The following RSBN1L variants were observed in gnomAD, a reference collection of about 807,000 sequenced individuals.
RSBN1L encodes lysine-specific demethylase RSBN1L.
Under a neutral mutation model 67.7 loss-of-function variants are expected in RSBN1L, and 30 were observed. The observed-to-expected ratio is 0.44, with a 90% CI of 0.33 to 0.60. The LOEUF is 0.60. RSBN1L is among the 20% of genes least tolerant of loss of function. The probability of loss-of-function intolerance (pLI) is 0.02; values close to 1 mark genes in which losing one functional copy is unlikely to be tolerated. For missense variants in RSBN1L, 992 were observed against 1,031.7 expected, an observed-to-expected ratio of 0.96 and a Z score of 0.53; for synonymous variants, 433 against 387.0, an observed-to-expected ratio of 1.12 and a Z score of -1.39.
intron 1 of RSBN1L, among the ~76,000 whole-genome samples, chr7:77,720,953 C>T (rs1460148186): frequency 4.0e-5 from 6 of 151,744 alleles, no homozygotes; most frequent in African/African-American, 1.2e-4. Flanking sequence ...GATGGGGTTT[C>T]ACCATTTTGG....
chr7:77,717,162 A>G (rs10240675), intron 1 of RSBN1L, among the ~76,000 whole-genome samples: 1 of 150,900 alleles, frequency 6.6e-6, no homozygotes, highest in African/African-American at 2.4e-5. Flanking sequence ...TAGTCTTGCC[A>G]TGTTGCCTGG....
chr7:77,700,990 C>T (rs9641272), intron 1 of RSBN1L, among the ~76,000 whole-genome samples: 1 of 152,036 alleles, frequency 6.6e-6, no homozygotes, highest in African/African-American at 2.4e-5. Flanking sequence ...AACCCCATCT[C>T]TACTAAAAAT....
intron 1 of RSBN1L, among the ~76,000 whole-genome samples, chr7:77,729,375 A>G (rs942972625): frequency 6.6e-6 from 1 of 152,226 alleles, no homozygotes; most frequent in Non-Finnish European, 1.5e-5. Context: ...GGGAGCCCTC[A>G]TGACTTTAAT....
At chr7:77,723,662 G>A (rs1347492594) in intron 1 of RSBN1L, among the ~76,000 whole-genome samples, 3 of 152,010 alleles carry the variant, frequency 2.0e-5, no homozygotes, top group African/African-American at 7.2e-5. Context: ...TTGGCTGGGC[G>A]TGGTGGCTCA....
chr7:77,749,792 G>C lies in RSBN1L; in HGVS notation c.1072G>C (p.Gly358Arg). Reference protein sequence around the residue: ...LIHIEHQPNGGASVIHAYSNE... With the variant: ...LIHIEHQPNGRASVIHAYSNE... ...TCATATAGAGCACCAGCCTAATGGA[G>C]GTGCATCGGTTATCCATGCCTACAG... Residue 358 changes from glycine to arginine, a missense_variant, in exon 3 of 8, where the codon GGT becomes CGT. This residue lies in a region of RSBN1L where 575 missense variants were observed against 483.2 expected (regional missense o/e 1.19). Transcript: ENST00000334955. The C allele has an allele frequency of 6.2e-7, 1 of 1,614,196 alleles. No homozygotes were observed. The highest frequency in any genetic ancestry group is 8.5e-7 in the Non-Finnish European group (1 of 1,180,032).
rs192459273 is a variant in RSBN1L, at chr7:77,761,686, A to G, written c.1345-3809A>G. ...AGTATATACTTTTTAAATTGGAAAC[A>G]TTGTTGTGTGTAACTTGCCATGTTT... On this transcript the variant is annotated intron_variant, in intron 3 of 7. Coordinates refer to ENST00000334955, the MANE Select transcript of RSBN1L (RefSeq NM_198467.3). Among the ~76,000 whole-genome samples, 101 of 152,216 alleles carry G rather than the reference A, an allele frequency of 6.6e-4. 1 individual carries two copies. The highest frequency in any genetic ancestry group is 2.4e-4 in the Non-Finnish European group (16 of 68,022).
Position 77,765,460 on chromosome 7 carries a change from G to C in RSBN1L, c.1345-35G>C, listed in dbSNP as rs184779715. 5.4e-6 allele frequency: 8 copies of C among 1,470,574 alleles called. No individual in the cohort carries two copies. The Admixed American group carries it at 1.7e-4, about 31-fold the overall frequency. 91.1% of individuals were successfully genotyped at this position (1,470,574 alleles called of 1,614,324 possible). A position where few individuals can be genotyped will look rare whatever the true frequency, so the allele number is the denominator to read the frequency against. ...TCCATATTCTTCAGGTAAAAAGAAC[G>C]TATTTAACTTTTAATTAAATCCATG... is the stretch of plus-strand genomic sequence containing the variant. On this transcript the variant is annotated intron_variant, in intron 3 of 7. Transcript: ENST00000334955.
At chr7:77,739,818 C>G (rs1457921000) in intron 2 of RSBN1L, among the ~76,000 whole-genome samples, 1 of 113,284 alleles carries the variant, frequency 8.8e-6, no homozygotes, top group Non-Finnish European at 1.7e-5. Flanking sequence ...GGCGCGATCT[C>G]GGCTCACTGC....
chr7:77,742,797 G>A (rs545408585), intron 2 of RSBN1L, among the ~76,000 whole-genome samples: 3 of 152,270 alleles, frequency 2.0e-5, no homozygotes, highest in South Asian at 2.1e-4. Context: ...CCGATTGCAC[G>A]ATTGCACTGC....
chr7:77,743,873 C>A (rs1791446356), intron 2 of RSBN1L, among the ~76,000 whole-genome samples: 2 of 151,660 alleles, frequency 1.3e-5, no homozygotes, highest in Admixed American at 6.6e-5. Context: ...TTTGGTTAGT[C>A]CCCTGTTTCA....
chr7:77,749,810 G>A lies in RSBN1L; in HGVS notation c.1090G>A (p.Ala364Thr), dbSNP rs893211044. ...QPNGGASVIH[A>T]YSNELSHLSP... Reference sequence around the variant, plus strand: ...TAATGGAGGTGCATCGGTTATCCATGCCTACAGTAACGAACTCTCCCACCT... The same window carrying A: ...TAATGGAGGTGCATCGGTTATCCATACCTACAGTAACGAACTCTCCCACCT... The change falls in exon 3 of 8, where the codon GCC becomes ACC. Residue 364 changes from alanine (A) to threonine (T), a missense_variant. Around this residue, in one of 7 missense-constraint regions of RSBN1L, gnomAD observed 575 missense variants for 483.2 expected, o/e 1.19. Coordinates refer to ENST00000334955, the MANE Select transcript of RSBN1L (RefSeq NM_198467.3). 1.9e-6 allele frequency: 3 copies of A among 1,614,078 alleles called. No individual in the cohort carries two copies. The African/African-American group carries it at 4.0e-5, about 22-fold the overall frequency.
chr7:77,712,835 A>T lies in RSBN1L; in HGVS notation c.586+15780A>T, dbSNP rs1337745941. Among the ~76,000 whole-genome samples the T allele has an allele frequency of 2.0e-5, 3 of 152,030 alleles. No homozygotes were observed. In the East Asian group the frequency reaches 5.8e-4, roughly 29 times the overall value. ...AAAATAAAACAATGTGTAGGCGTTT[A>T]TTCACTTAAAACTTAGGATAAAGTT... On this transcript the variant is annotated intron_variant, in intron 1 of 7. Coordinates refer to ENST00000334955, the MANE Select transcript of RSBN1L (RefSeq NM_198467.3).
chr7:77,729,660 A>C (rs1402716048), intron 1 of RSBN1L, among the ~76,000 whole-genome samples: 1 of 152,168 alleles, frequency 6.6e-6, no homozygotes, highest in Non-Finnish European at 1.5e-5. Flanking sequence ...ATTTTGTTTA[A>C]AATTATTTTA....
In RSBN1L at chr7:77,779,244, C is replaced by A; in HGVS notation, c.*76C>A. ...AGATTCATGAATTCTGAAAGCAAGC[C>A]AAGGACTTGCTCCTATGTCTGTTAC... On this transcript the variant is annotated 3_prime_UTR_variant, in exon 8 of 8. Coordinates refer to ENST00000334955, the MANE Select transcript of RSBN1L (RefSeq NM_198467.3). 2.0e-6 allele frequency: 2 copies of A among 1,014,564 alleles called. No individual in the cohort carries two copies. The highest frequency in any genetic ancestry group is 2.9e-6 in the Non-Finnish European group (2 of 698,280). The allele number at this position is 1,014,564 out of a possible 1,614,324, so 62.8% of individuals were successfully genotyped here. A position where few individuals can be genotyped will look rare whatever the true frequency, so the allele number is the denominator to read the frequency against.
At chr7:77,737,928 A>G (rs1467625702) in intron 2 of RSBN1L, among the ~76,000 whole-genome samples, 6 of 151,960 alleles carry the variant, frequency 3.9e-5, no homozygotes, top group Non-Finnish European at 5.9e-5. Context: ...AGGCTGAGGC[A>G]TGAGAATTGC....
Position 77,706,462 on chromosome 7 carries a change from C to T in RSBN1L, c.586+9407C>T, listed in dbSNP as rs535621866. Among the ~76,000 whole-genome samples the T allele has an allele frequency of 5.9e-5, 9 of 152,216 alleles. No individual in the cohort carries two copies. The South Asian group carries it at 6.2e-4, about 11-fold the overall frequency. On this transcript the variant is annotated intron_variant, in intron 1 of 7. Coordinates refer to ENST00000334955, the MANE Select transcript of RSBN1L (RefSeq NM_198467.3). ...CTGACCTCAAGTGATCTGCCTGCCT[C>T]GACCTCCCAAAGTGCTGAGATTACA...
At chr7:77,776,816 T>C (rs996776122) in intron 6 of RSBN1L, among the ~76,000 whole-genome samples, 25 of 152,112 alleles carry the variant, frequency 1.6e-4, no homozygotes, top group Admixed American at 5.9e-4. Context: ...TACATGTAGA[T>C]AGATATCATA....
chr7:77,711,364 C>T (rs1298084548), intron 1 of RSBN1L, among the ~76,000 whole-genome samples: 3 of 141,338 alleles, frequency 2.1e-5, no homozygotes, highest in Non-Finnish European at 3.0e-5. Flanking sequence ...TTCTTTGGCA[C>T]ATAGTCTTGC....
intron 3 of RSBN1L, 109 bp from the exon 4 acceptor site, chr7:77,765,386 T>G: frequency 1.2e-6 from 1 of 867,346 alleles, no homozygotes. Flanking sequence ...AATAATTTAT[T>G]GCTACAAAAT....
Sources: allele counts gnomAD v4.1 joint callset (sites outside exome capture counted in the v4.1 genomes callset), GRCh38; gene constraint gnomAD v4.1.1; regional missense constraint gnomAD v4.1.1; transcripts MANE v1.5; gene names NCBI Gene and HGNC (gene_info 2026-07-23, HGNC 2026-07-21).